Variants in FDCSP observed in about 807,000 individuals in gnomAD.
FDCSP encodes the protein follicular dendritic cell secreted peptide.
In FDCSP, 8 loss-of-function variants were observed where a neutral mutation model predicts 8.9. The ratio of observed to expected loss-of-function variants is 0.90; its 90% CI spans 0.53 to 1.63. The LOEUF is 1.63. Among genes scored for constraint, FDCSP ranks in the 40% most tolerant of loss-of-function variants. FDCSP has a pLI of 0.00. For synonymous variants in FDCSP, 34 were observed against 34.5 expected, an observed-to-expected ratio of 0.98 and a Z score of 0.06; for missense variants, 101 against 103.6, an observed-to-expected ratio of 0.98 and a Z score of 0.11.
chr4:70,232,367 T>A (rs367980463), intron 2 of FDCSP, among the ~76,000 whole-genome samples: 7 of 151,672 alleles, frequency 4.6e-5, no homozygotes, highest in South Asian at 4.1e-4. Context: ...GTCTTAGATA[T>A]GTTTAGATAT....
chr4:70,231,304 T>C (rs1406697984), intron 2 of FDCSP, 53 bp downstream of exon 2: 2 of 1,392,490 alleles, frequency 1.4e-6, no homozygotes, highest in African/African-American at 2.9e-5. Context: ...ATGTATGGCA[T>C]ATTTATGTCA....
rs914307067 is a variant in FDCSP, at chr4:70,232,947, T to G, written c.58-47T>G. ...ATGCATATGTATATATTTATTTGTG[T>G]GTTTTCATGAGCATGAGTTTAATTA... is the stretch of plus-strand genomic sequence containing the variant. On this transcript the variant is annotated intron_variant, in intron 2 of 4. Coordinates refer to ENST00000317987, the MANE Select transcript of FDCSP (RefSeq NM_152997.4). 12 of 1,486,368 alleles carry G rather than the reference T, an allele frequency of 8.1e-6. No individual in the cohort carries two copies. In the South Asian group the frequency reaches 1.5e-4, roughly 18 times the overall value. 92.1% of individuals were successfully genotyped at this position (1,486,368 alleles called of 1,614,324 possible). A position where few individuals can be genotyped will look rare whatever the true frequency, so the allele number is the denominator to read the frequency against.
At chr4:70,229,675 T>A (rs978238908) in intron 1 of FDCSP, among the ~76,000 whole-genome samples, 2 of 151,612 alleles carry the variant, frequency 1.3e-5, no homozygotes, top group Non-Finnish European at 3.0e-5. Flanking sequence ...GAGGAAGAGA[T>A]AACTGGGGGC....
rs539431448 is a variant in FDCSP, at chr4:70,227,401, G to T, written c.-1+1219G>T. Among the ~76,000 whole-genome samples, 3 of 151,642 alleles carry T rather than the reference G, an allele frequency of 2.0e-5. No homozygotes were observed. The East Asian group carries it at 5.9e-4, about 30-fold the overall frequency. ...TTTTGATTAGTATCAGAAAATAAAG[G>T]CAGAGATCAAAACTTTGCTACATTT... is the stretch of plus-strand genomic sequence containing the variant. On this transcript the variant is annotated intron_variant, in intron 1 of 4. Transcript: ENST00000317987.
chr4:70,226,314 G>T (rs1039180457), intron 1 of FDCSP, 132 bp downstream of exon 1: 2 of 151,716 alleles, frequency 1.3e-5, no homozygotes, highest in Non-Finnish European at 2.9e-5. Context: ...AATTGTAATG[G>T]TTGCTTGAAT....
intron 2 of FDCSP, among the ~76,000 whole-genome samples, 185 bp downstream of exon 2, chr4:70,231,436 C>G (rs1470572757): frequency 6.6e-6 from 1 of 151,494 alleles, no homozygotes; most frequent in East Asian, 1.9e-4. Context: ...CTTGAGCCCA[C>G]AAGTTCAAGA....
intron 2 of FDCSP, among the ~76,000 whole-genome samples, chr4:70,232,282 T>C (rs566694599): frequency 6.6e-6 from 1 of 151,682 alleles, no homozygotes; most frequent in East Asian, 2.0e-4. Flanking sequence ...CCTATACAAG[T>C]GTATAGGTAT....
At chr4:70,234,644 C>G (rs1730146754) in intron 4 of FDCSP, among the ~76,000 whole-genome samples, 1 of 151,330 alleles carries the variant, frequency 6.6e-6, no homozygotes, top group Admixed American at 6.6e-5. Flanking sequence ...TACTAAAACT[C>G]CAAACCTAGC....
At chr4:70,229,338 T>A (rs1010828298) in intron 1 of FDCSP, among the ~76,000 whole-genome samples, 3 of 151,754 alleles carry the variant, frequency 2.0e-5, no homozygotes, top group African/African-American at 7.2e-5. Context: ...GTTTGATCTA[T>A]CCAGACAACT....
intron 1 of FDCSP, among the ~76,000 whole-genome samples, chr4:70,230,564 T>A (rs151208416): frequency 6.6e-6 from 1 of 151,800 alleles, no homozygotes; most frequent in South Asian, 2.1e-4. Flanking sequence ...TATTAAATAA[T>A]AAAACTTGAA....
chr4:70,228,134 C>T (rs942023423), intron 1 of FDCSP, among the ~76,000 whole-genome samples: 5 of 151,774 alleles, frequency 3.3e-5, no homozygotes, highest in Admixed American at 2.0e-4. Context: ...GTATTTCTTT[C>T]AAAATGGGAC....
chr4:70,234,638 A>G (rs1415673295), intron 4 of FDCSP, among the ~76,000 whole-genome samples: 1 of 151,522 alleles, frequency 6.6e-6, no homozygotes, highest in Admixed American at 6.6e-5. Flanking sequence ...TTCTAATACT[A>G]AAACTCCAAA....
chr4:70,231,564 G>A (rs1361623220), intron 2 of FDCSP, among the ~76,000 whole-genome samples: 1 of 151,654 alleles, frequency 6.6e-6, no homozygotes, highest in Non-Finnish European at 1.5e-5. Context: ...GTGTTCATGT[G>A]TTTGAGATGA....
At chr4:70,231,132 C>T (rs548643283) in intron 1 of FDCSP, 63 bp from the exon 2 acceptor site, 1 of 1,343,530 alleles carries the variant, frequency 7.4e-7, no homozygotes, top group South Asian at 1.3e-5. Flanking sequence ...TTTTAGCTGA[C>T]TTCTAGGATA....
intron 1 of FDCSP, among the ~76,000 whole-genome samples, chr4:70,227,815 A>C (rs1730013029): frequency 6.6e-6 from 1 of 151,824 alleles, no homozygotes; most frequent in African/African-American, 2.4e-5. Flanking sequence ...GTTAAGTGTA[A>C]TAGCAGTATG....
At chr4:70,229,605 G>A (rs1490925766) in intron 1 of FDCSP, among the ~76,000 whole-genome samples, 1 of 151,564 alleles carries the variant, frequency 6.6e-6, no homozygotes, top group African/African-American at 2.4e-5. Context: ...GGCATTGTAG[G>A]GTTATTAACT....
chr4:70,228,837 A>G (rs1043059075), intron 1 of FDCSP, among the ~76,000 whole-genome samples: 3 of 151,830 alleles, frequency 2.0e-5, no homozygotes, highest in African/African-American at 4.8e-5. Context: ...TTAGTAAACC[A>G]TGCTGTGTTA....
Position 70,234,205 on chromosome 4 carries a change from C to T in FDCSP, c.*18C>T, listed in dbSNP as rs376701779. On this transcript the variant is annotated 3_prime_UTR_variant, in exon 4 of 5. Transcript: ENST00000317987. Reference sequence around the variant, plus strand: ...AAAAGTAAACAAGAAGGAAAAGTCACGATAAACCTGGTAAGTACACATAGT... The same window carrying T: ...AAAAGTAAACAAGAAGGAAAAGTCATGATAAACCTGGTAAGTACACATAGT... 2.5e-5 allele frequency: 40 copies of T among 1,602,910 alleles called. No homozygotes were observed. Among genetic ancestry groups the T allele is most frequent in the Admixed American group, 2.0e-4 (12 of 59,052 alleles).
chr4:70,228,202 T>A (rs1282489419), intron 1 of FDCSP, among the ~76,000 whole-genome samples: 4 of 151,854 alleles, frequency 2.6e-5, no homozygotes, highest in East Asian at 1.9e-4. Flanking sequence ...GTATTTTAAA[T>A]CATTTACTGT....
Sources: allele counts gnomAD v4.1 joint callset (sites outside exome capture counted in the v4.1 genomes callset), GRCh38; gene constraint gnomAD v4.1.1; transcripts MANE v1.5; gene names NCBI Gene and HGNC (gene_info 2026-07-23, HGNC 2026-07-21).